The following RNF216 variants were observed in gnomAD, a reference collection of about 807,000 sequenced individuals.
The protein encoded by RNF216 is E3 ubiquitin-protein ligase RNF216.
In RNF216, 72 loss-of-function variants were observed where a neutral mutation model predicts 110.8. The observed-to-expected ratio is 0.65, with a 90% CI of 0.54 to 0.79. The LOEUF is 0.79. RNF216 is among the 30% of genes least tolerant of loss of function. The pLI, the probability that RNF216 is intolerant of heterozygous loss-of-function variation, is 0.00. For missense variants in RNF216, 1,342 were observed against 1,141.2 expected, an observed-to-expected ratio of 1.18 and a Z score of -2.54; for synonymous variants, 495 against 407.5, an observed-to-expected ratio of 1.21 and a Z score of -2.59.
intron 1 of RNF216, among the ~76,000 whole-genome samples, chr7:5,781,003 G>T (rs962989328): frequency 2.4e-4 from 36 of 152,236 alleles, no homozygotes; most frequent in African/African-American, 8.7e-4. Context: ...GCGCCCCGCA[G>T]AAGGGTTTGA....
At chr7:5,633,073 G>A (rs989723186) in intron 15 of RNF216, among the ~76,000 whole-genome samples, 6 of 151,878 alleles carry the variant, frequency 4.0e-5, no homozygotes, top group East Asian at 2.0e-4. Flanking sequence ...TCCGCCTCCC[G>A]GGTTCAAGTG....
intron 15 of RNF216, among the ~76,000 whole-genome samples, chr7:5,625,527 G>A (rs6975359): frequency 0.056 from 8,511 of 152,212 alleles, 784 homozygotes; most frequent in African/African-American, 0.19. Context: ...CAGCCCCATC[G>A]AGGGCTAACC....
intron 7 of RNF216, among the ~76,000 whole-genome samples, chr7:5,726,423 C>G (rs1584519999): frequency 6.6e-6 from 1 of 152,182 alleles, no homozygotes. Flanking sequence ...CTGCTTCCCC[C>G]ACACTCTTCT....
In RNF216 at chr7:5,696,419, C is replaced by T. The variant is rs1791633046; in HGVS notation, c.2061+15342G>A. 6.6e-6 allele frequency among the ~76,000 whole-genome samples: 1 copy of T among 152,140 alleles called. No individual in the cohort carries two copies. The highest frequency in any genetic ancestry group is 2.4e-5 in the African/African-American group (1 of 41,418). ...AAACTTGTGAAGGTTACATGGTTTC[C>T]TCCTTATGTAAAGCACCTGAGGACT... On this transcript the variant is annotated intron_variant, in intron 13 of 16. Coordinates refer to ENST00000389902, the MANE Select transcript of RNF216 (RefSeq NM_207111.4). The surrounding 1 kb of genome is among the most constrained non-coding windows in gnomAD (Gnocchi z 5.4).
intron 14 of RNF216, among the ~76,000 whole-genome samples, chr7:5,644,506 T>C (rs1226892698): frequency 6.6e-6 from 1 of 151,642 alleles, no homozygotes; most frequent in Non-Finnish European, 1.5e-5. Flanking sequence ...TGATATTGTT[T>C]GCCCATTTTT....
intron 13 of RNF216, among the ~76,000 whole-genome samples, chr7:5,695,290 A>G (rs1280943302): frequency 6.6e-6 from 1 of 152,174 alleles, no homozygotes; most frequent in Admixed American, 6.5e-5. Flanking sequence ...CAGTGCAGCA[A>G]CTTGTACCAA....
At chr7:5,692,221 A>G (rs1463335067) in intron 13 of RNF216, among the ~76,000 whole-genome samples, 4 of 152,188 alleles carry the variant, frequency 2.6e-5, no homozygotes, top group Non-Finnish European at 5.9e-5. Context: ...TTAGTTGTTT[A>G]TATGTACACT....
At chr7:5,756,199 G>C (rs186478425) in intron 2 of RNF216, among the ~76,000 whole-genome samples, 14 of 152,210 alleles carry the variant, frequency 9.2e-5, no homozygotes, top group African/African-American at 3.1e-4. Flanking sequence ...TCCTGAGAAG[G>C]TGCCTGCTTC....
chr7:5,665,590 A>T (rs186231444), intron 13 of RNF216, among the ~76,000 whole-genome samples: 1 of 152,286 alleles, frequency 6.6e-6, no homozygotes, highest in East Asian at 1.9e-4. Context: ...CAAGGCACCG[A>T]GACACCAGCT....
At chr7:5,779,334 G>C (rs149737920) in intron 1 of RNF216, among the ~76,000 whole-genome samples, 9 of 152,070 alleles carry the variant, frequency 5.9e-5, no homozygotes, top group African/African-American at 1.9e-4. Flanking sequence ...CTAAAGCCTC[G>C]AATGAGGTTT....
intron 9 of RNF216, among the ~76,000 whole-genome samples, chr7:5,719,310 T>C (rs755980129): frequency 5.9e-5 from 9 of 152,074 alleles, no homozygotes; most frequent in East Asian, 1.9e-4. Flanking sequence ...AGGAGGTAGG[T>C]TGAAGCAGTA....
chr7:5,705,952 CA>C (rs1175090106), intron 13 of RNF216, among the ~76,000 whole-genome samples: 1 of 150,144 alleles, frequency 6.7e-6, no homozygotes, highest in South Asian at 2.1e-4. Flanking sequence ...CAAAACAAAA[CA>C]AAACAAAACA....
At chr7:5,744,593 A>G (rs1044799741) in intron 3 of RNF216, among the ~76,000 whole-genome samples, 5 of 152,228 alleles carry the variant, frequency 3.3e-5, no homozygotes, top group African/African-American at 4.8e-5. Flanking sequence ...ATTCTATAGA[A>G]TATATTCAAA....
At chr7:5,774,736 C>CT (rs1796682863) in intron 1 of RNF216, among the ~76,000 whole-genome samples, 1 of 148,538 alleles carries the variant, frequency 6.7e-6, no homozygotes, top group African/African-American at 2.5e-5. Flanking sequence ...GGGAAAAAAT[C>CT]TTTATTTTCC....
intron 2 of RNF216, among the ~76,000 whole-genome samples, chr7:5,755,679 T>C (rs541864030): frequency 6.6e-6 from 1 of 152,350 alleles, no homozygotes; most frequent in East Asian, 1.9e-4. Context: ...GAATATAACA[T>C]AAAATTATTC....
intron 13 of RNF216, among the ~76,000 whole-genome samples, chr7:5,677,598 T>C (rs1000205994): frequency 6.6e-6 from 1 of 152,208 alleles, no homozygotes; most frequent in Non-Finnish European, 1.5e-5. Flanking sequence ...CTGTCTTTTA[T>C]ATTTGTGTTA....
intron 13 of RNF216, among the ~76,000 whole-genome samples, chr7:5,688,900 T>G (rs1402852401): frequency 6.6e-6 from 1 of 152,206 alleles, no homozygotes; most frequent in East Asian, 1.9e-4. Flanking sequence ...TGTTCTTCAA[T>G]ATAAAGTTTA....
At chr7:5,757,503 T>C (rs553181814) in intron 2 of RNF216, among the ~76,000 whole-genome samples, 11 of 152,306 alleles carry the variant, frequency 7.2e-5, no homozygotes, top group African/African-American at 2.4e-4. Flanking sequence ...TTTTTAAGCC[T>C]ATTTTCACTA....
chr7:5,734,707 C>T (rs931203719), intron 5 of RNF216, among the ~76,000 whole-genome samples: 11 of 151,208 alleles, frequency 7.3e-5, no homozygotes, highest in Non-Finnish European at 1.5e-4. Context: ...GCCTGTAATC[C>T]CAGCTATTCG....
Sources: allele counts gnomAD v4.1 joint callset (sites outside exome capture counted in the v4.1 genomes callset), GRCh38; gene constraint gnomAD v4.1.1; non-coding constraint Gnocchi (gnomAD v3.1); transcripts MANE v1.5; gene names NCBI Gene and HGNC (gene_info 2026-07-23, HGNC 2026-07-21).